Variants in NFATC1 observed in about 807,000 individuals in gnomAD.
NFATC1 encodes the protein nuclear factor of activated T-cells, cytoplasmic 1.
A neutral mutation model predicts 76.0 loss-of-function variants in NFATC1; 22 were observed. The observed-to-expected ratio is 0.29, with a 90% CI of 0.21 to 0.41. The LOEUF is 0.41. Among genes scored for constraint, NFATC1 ranks in the 10% least tolerant of loss-of-function variants. The pLI is 1.00. For synonymous variants in NFATC1, 704 were observed against 613.1 expected, an observed-to-expected ratio of 1.15 and a Z score of -2.19; for missense variants, 1,357 against 1,337.7, an observed-to-expected ratio of 1.01 and a Z score of -0.23.
chr18:79,412,144 T>C, intron 2 of NFATC1, among the ~76,000 whole-genome samples: 1 of 152,222 alleles, frequency 6.6e-6, no homozygotes. Flanking sequence ...TCCCAGGTTG[T>C]TGGTTTTTCT....
At chr18:79,490,763 G>A (rs1474385161) in intron 9 of NFATC1, among the ~76,000 whole-genome samples, 2 of 152,162 alleles carry the variant, frequency 1.3e-5, no homozygotes, top group African/African-American at 4.8e-5. Context: ...CACCAACATG[G>A]CCGGGAAGGG....
At chr18:79,491,196 G>T (rs2089667877) in intron 9 of NFATC1, among the ~76,000 whole-genome samples, 1 of 152,130 alleles carries the variant, frequency 6.6e-6, no homozygotes, top group African/African-American at 2.4e-5. Flanking sequence ...GGGCACCTCA[G>T]CAGCCACCCT....
intron 3 of NFATC1, among the ~76,000 whole-genome samples, chr18:79,444,477 T>C (rs75026480): frequency 0.18 from 20,235 of 114,876 alleles, 1,464 homozygotes; most frequent in African/African-American, 0.21. Flanking sequence ...TTCCCCCGCC[T>C]ACCCCGAGCC....
chr18:79,503,415 C>T (rs559124205), intron 9 of NFATC1, among the ~76,000 whole-genome samples: 1 of 152,274 alleles, frequency 6.6e-6, no homozygotes. Flanking sequence ...TTTGTACCTG[C>T]GTGGGGTGAC....
rs1364488041 is a variant in NFATC1, at chr18:79,400,356, ACCCCGGCTCCCG to A, written c.127+4013_127+4024del. On this transcript the variant is annotated intron_variant, in intron 1 of 9. Coordinates refer to ENST00000427363, the MANE Select transcript of NFATC1 (RefSeq NM_001278669.2). ...GAGAACCGAACCCCTGGCGGCCGCGACCCCGGCTCCCGCCCCGGCCCCGGCCCGACCCGCCAT... is the reference window on the plus strand; with the variant it reads ...GAGAACCGAACCCCTGGCGGCCGCGACCCCGGCCCCGGCCCGACCCGCCAT... 16 of 1,345,258 alleles carry A rather than the reference ACCCCGGCTCCCG, an allele frequency of 1.2e-5. 1 individual carries two copies. Among genetic ancestry groups the A allele is most frequent in the Admixed American group, 9.8e-5 (3 of 30,550 alleles). 83.3% of individuals were successfully genotyped at this position (1,345,258 alleles called of 1,614,324 possible).
At chr18:79,461,620 G>A (rs1004245748) in intron 7 of NFATC1, among the ~76,000 whole-genome samples, 4 of 152,218 alleles carry the variant, frequency 2.6e-5, no homozygotes, top group African/African-American at 9.6e-5. Flanking sequence ...GGACGGTGCT[G>A]GACAGGCTGA....
intron 1 of NFATC1, chr18:79,402,246 G>A (rs767791529): frequency 2.4e-5 from 18 of 759,560 alleles, no homozygotes; most frequent in Non-Finnish European, 2.7e-5. Context: ...TGCCCCTCGA[G>A]GCCTAGTCTC....
chr18:79,471,791 G>A (rs938082097), intron 8 of NFATC1, among the ~76,000 whole-genome samples: 1 of 152,238 alleles, frequency 6.6e-6, no homozygotes, highest in Non-Finnish European at 1.5e-5. Context: ...TGAAGGTGTC[G>A]GAACAGATCT....
chr18:79,396,501 CG>C, intron 1 of NFATC1, 150 bp downstream of exon 1: 1 of 389,710 alleles, frequency 2.6e-6, no homozygotes, highest in East Asian at 7.1e-5. Flanking sequence ...GGGCGCGGCG[CG>C]GACCGGGAAC....
intron 9 of NFATC1, among the ~76,000 whole-genome samples, chr18:79,495,459 A>G (rs1235585631): frequency 6.6e-6 from 1 of 152,130 alleles, no homozygotes; most frequent in East Asian, 1.9e-4. Context: ...TCTGCCTTTG[A>G]CTCCTTAAAA....
intron 3 of NFATC1, among the ~76,000 whole-genome samples, chr18:79,435,222 G>A (rs957167679): frequency 6.6e-6 from 1 of 152,216 alleles, no homozygotes; most frequent in Non-Finnish European, 1.5e-5. Context: ...GGGCACTGAC[G>A]TCGCCCTTTT....
intron 8 of NFATC1, among the ~76,000 whole-genome samples, chr18:79,475,357 T>A (rs1253122481): frequency 1.4e-5 from 2 of 140,586 alleles, no homozygotes; most frequent in Non-Finnish European, 3.0e-5. Context: ...GAGGGAAGGG[T>A]GTTTTCACGC....
intron 8 of NFATC1, among the ~76,000 whole-genome samples, chr18:79,474,873 C>CA (rs1280138159): frequency 1.4e-5 from 2 of 143,690 alleles, no homozygotes; most frequent in Non-Finnish European, 3.0e-5. Context: ...AGCGTGTTCT[C>CA]ACGCTCACTG....
chr18:79,399,884 C>T (rs1160394523), intron 1 of NFATC1, among the ~76,000 whole-genome samples: 2 of 152,184 alleles, frequency 1.3e-5, no homozygotes, highest in Non-Finnish European at 1.5e-5. Flanking sequence ...CTCCCCACTC[C>T]CGGGGCTCCG....
At chr18:79,447,222 C>G (rs568887123) in intron 3 of NFATC1, among the ~76,000 whole-genome samples, 1 of 152,240 alleles carries the variant, frequency 6.6e-6, no homozygotes, top group Non-Finnish European at 1.5e-5. Context: ...CTGCCCGGGC[C>G]CCTCTAGCCC....
intron 1 of NFATC1, among the ~76,000 whole-genome samples, chr18:79,400,665 G>A (rs2085174876): frequency 9.3e-6 from 1 of 107,070 alleles, no homozygotes; most frequent in Non-Finnish European, 2.0e-5. Context: ...GTTCCTCCGA[G>A]CGCTCGCGGC....
chr18:79,522,074 T>C (rs1319726182), intron 9 of NFATC1, among the ~76,000 whole-genome samples: 1 of 67,942 alleles, frequency 1.5e-5, no homozygotes, highest in East Asian at 5.2e-4. Context: ...CTGATGTGTG[T>C]GTCTGTTGGG....
intron 3 of NFATC1, among the ~76,000 whole-genome samples, chr18:79,446,152 C>T (rs1395270081): frequency 6.6e-6 from 1 of 152,164 alleles, no homozygotes; most frequent in South Asian, 2.1e-4. Flanking sequence ...GGGCCCGTGA[C>T]GTATTTAAAT....
At chr18:79,495,498 T>G (rs1290050195) in intron 9 of NFATC1, among the ~76,000 whole-genome samples, 2 of 152,176 alleles carry the variant, frequency 1.3e-5, no homozygotes, top group African/African-American at 2.4e-5. Context: ...CGGCGTTAAG[T>G]GGAGAGCTGT....
Sources: gnomAD v4.1 joint callset for allele counts (sites outside exome capture counted in the v4.1 genomes callset) on GRCh38, gnomAD v4.1.1 for gene constraint, MANE v1.5 for transcripts, NCBI Gene and HGNC (gene_info 2026-07-23, HGNC 2026-07-21) for gene names.